Variants in RANBP2 observed in about 807,000 individuals in gnomAD.
The protein encoded by RANBP2 is E3 SUMO-protein ligase RanBP2.
In RANBP2, 57 loss-of-function variants were observed where a neutral mutation model predicts 303.6. That is an observed-to-expected ratio of 0.19 (90% CI 0.15 to 0.23). The LOEUF (loss-of-function observed/expected upper bound fraction) is 0.23. RANBP2 is among the 10% of genes least tolerant of loss of function. RANBP2 has a pLI of 1.00. For missense variants in RANBP2, 3,138 were observed against 3,780.8 expected (o/e 0.83, Z 4.46); for synonymous variants, 1,167 against 1,301.5 (o/e 0.90, Z 2.23).
chr2:109,435,372 C>T, the RANBP2 span, among the ~76,000 whole-genome samples: 1 of 152,262 alleles, frequency 6.6e-6, no homozygotes, highest in Non-Finnish European at 1.5e-5. Context: ...GCCAAAGCCA[C>T]ACAGCAGAAG....
chr2:109,387,843 A>G, the RANBP2 span, among the ~76,000 whole-genome samples: 38 of 147,168 alleles, frequency 2.6e-4, no homozygotes, highest in African/African-American at 9.1e-4. Context: ...TTCCAAAGCA[A>G]CAGCCCCAGA....
At chr2:108,910,652 C>T in the RANBP2 span, 7 of 1,412,840 alleles carry the variant, frequency 5.0e-6, no homozygotes, top group South Asian at 5.9e-5. Flanking sequence ...GGCACCACCC[C>T]ACGGTAAGCA....
At chr2:109,185,934 G>A in the RANBP2 span, among the ~76,000 whole-genome samples, 1 of 152,230 alleles carries the variant, frequency 6.6e-6, no homozygotes, top group Non-Finnish European at 1.5e-5. Context: ...GGCTGGCCCT[G>A]TGCCCTGTGC....
At chr2:109,742,836 G>A in the RANBP2 span, among the ~76,000 whole-genome samples, 1 of 148,604 alleles carries the variant, frequency 6.7e-6, no homozygotes, top group African/African-American at 2.6e-5. Context: ...GGTATTAGCA[G>A]AAGATTAAAT....
chr2:109,521,025 C>T, the RANBP2 span, among the ~76,000 whole-genome samples: 364 of 148,992 alleles, frequency 2.4e-3, 1 homozygote, highest in African/African-American at 7.5e-3. Context: ...GTCAGGAGAT[C>T]GAGACCACGG....
At chr2:108,849,328 G>A in the RANBP2 span, among the ~76,000 whole-genome samples, 3 of 152,170 alleles carry the variant, frequency 2.0e-5, no homozygotes, top group African/African-American at 4.8e-5. Flanking sequence ...GAAATATGGT[G>A]AAAACTATAA....
At chr2:109,548,674 G>A in the RANBP2 span, among the ~76,000 whole-genome samples, 8 of 149,226 alleles carry the variant, frequency 5.4e-5, no homozygotes, top group Non-Finnish European at 1.2e-4. Flanking sequence ...TACTCGGGAG[G>A]CTGAGACAGG....
the RANBP2 span, among the ~76,000 whole-genome samples, chr2:108,993,656 A>T: frequency 6.6e-6 from 1 of 152,180 alleles, no homozygotes; most frequent in Non-Finnish European, 1.5e-5. Context: ...GCTCCAGGTC[A>T]AAGGCAGAGG....
the RANBP2 span, among the ~76,000 whole-genome samples, chr2:109,442,588 A>C: frequency 6.6e-6 from 1 of 152,182 alleles, no homozygotes; most frequent in Non-Finnish European, 1.5e-5. Context: ...AAAGTTTGGG[A>C]AGGGAGAAGT....
chr2:109,568,525 C>G, the RANBP2 span, among the ~76,000 whole-genome samples: 1 of 152,048 alleles, frequency 6.6e-6, no homozygotes, highest in African/African-American at 2.4e-5. Flanking sequence ...GCACCTCAAT[C>G]AATGCTTTCA....
chr2:109,287,857 T>C, the RANBP2 span, among the ~76,000 whole-genome samples: 1 of 152,192 alleles, frequency 6.6e-6, no homozygotes, highest in Admixed American at 6.5e-5. Context: ...ACCCCACTCA[T>C]AGTCCTATAG....
the RANBP2 span, among the ~76,000 whole-genome samples, chr2:109,630,793 C>A: frequency 7.2e-5 from 11 of 152,144 alleles, no homozygotes; most frequent in Admixed American, 7.2e-4. Context: ...AGGCTGGGCG[C>A]GGTGGCTCAT....
At chr2:109,644,365 C>T in the RANBP2 span, among the ~76,000 whole-genome samples, 23 of 152,144 alleles carry the variant, frequency 1.5e-4, no homozygotes, top group African/African-American at 5.6e-4. Context: ...TTCTCTTTCA[C>T]TATTGCAATT....
chr2:109,491,872 G>A, the RANBP2 span, among the ~76,000 whole-genome samples: 2 of 152,214 alleles, frequency 1.3e-5, no homozygotes, highest in East Asian at 3.9e-4. Context: ...TGCAACCCGG[G>A]AAGGCAGCCT....
the RANBP2 span, among the ~76,000 whole-genome samples, chr2:109,198,360 G>T: frequency 2.5e-5 from 2 of 79,892 alleles, no homozygotes; most frequent in Non-Finnish European, 5.2e-5. Context: ...AAACATCCTT[G>T]TGACAACTTA....
chr2:109,131,529 C>T, the RANBP2 span, among the ~76,000 whole-genome samples: 2 of 152,164 alleles, frequency 1.3e-5, no homozygotes, highest in Non-Finnish European at 2.9e-5. Flanking sequence ...TCTAGTAAAA[C>T]GCTGGGACAT....
At chr2:109,197,716 C>A in the RANBP2 span, among the ~76,000 whole-genome samples, 2 of 152,206 alleles carry the variant, frequency 1.3e-5, no homozygotes, top group Non-Finnish European at 2.9e-5. Flanking sequence ...CGGGTGTGTG[C>A]CTTGCTGGAG....
At chr2:109,221,820 A>G in the RANBP2 span, among the ~76,000 whole-genome samples, 1 of 152,196 alleles carries the variant, frequency 6.6e-6, no homozygotes, top group Non-Finnish European at 1.5e-5. Context: ...AACGAAAACT[A>G]GAACTATCAT....
the RANBP2 span, among the ~76,000 whole-genome samples, chr2:109,211,224 G>A: frequency 3.3e-5 from 5 of 152,324 alleles, no homozygotes; most frequent in South Asian, 1.0e-3. Flanking sequence ...AAAAGGCAAG[G>A]AGGCAACCCT....
Sources: allele counts gnomAD v4.1 joint callset (sites outside exome capture counted in the v4.1 genomes callset), GRCh38; gene constraint gnomAD v4.1.1; transcripts MANE v1.5; gene names NCBI Gene and HGNC (gene_info 2026-07-23, HGNC 2026-07-21).